The following CORO1C variants were observed in gnomAD, a reference collection of about 807,000 sequenced individuals.
CORO1C encodes the protein coronin-1C.
In CORO1C, 14 loss-of-function variants were observed where a neutral mutation model predicts 51.2. The observed-to-expected ratio is 0.27, with a 90% CI of 0.18 to 0.43. The LOEUF is 0.43. Among genes scored for constraint, CORO1C ranks in the 20% least tolerant of loss-of-function variants. CORO1C has a pLI of 1.00. For missense variants in CORO1C, 417 were observed against 607.8 expected, an observed-to-expected ratio of 0.69 and a Z score of 3.30; for synonymous variants, 181 against 210.5, an observed-to-expected ratio of 0.86 and a Z score of 1.21.
chr12:108,703,030 G>A, intron 1 of CORO1C: 1 of 1,294,714 alleles, frequency 7.7e-7, no homozygotes, highest in Non-Finnish European at 1.0e-6. Flanking sequence ...TACTTCTCAA[G>A]CGTGAGTTAG....
intron 2 of CORO1C, among the ~76,000 whole-genome samples, chr12:108,693,827 T>C (rs570360413): frequency 1.3e-4 from 20 of 152,230 alleles, no homozygotes; most frequent in African/African-American, 4.8e-4. Flanking sequence ...GTTTCATCTT[T>C]AGCTCCTACG....
At chr12:108,665,157 G>A (rs977856672) in intron 3 of CORO1C, among the ~76,000 whole-genome samples, 3 of 152,178 alleles carry the variant, frequency 2.0e-5, no homozygotes, top group African/African-American at 4.8e-5. Flanking sequence ...TAAAATATGA[G>A]GGCAGAAGCA....
intron 1 of CORO1C, chr12:108,703,125 T>C: frequency 1.9e-6 from 1 of 528,310 alleles, no homozygotes; most frequent in Non-Finnish European, 3.2e-6. Context: ...GGTCTTGGGC[T>C]CCACTTCCCC....
rs971791586 is a variant in CORO1C, at chr12:108,658,541, A to C, written c.630+197T>G. On this transcript the variant is annotated intron_variant, in intron 5 of 10. Transcript: ENST00000261401. The surrounding 1 kb of genome is among the most constrained non-coding windows in gnomAD (Gnocchi z 4.9). Reference sequence around the variant, plus strand: ...GGCTACAAAGTGAGAGACTTGAGTAAAAGCTGGAAAATTTACAACTCTGGA... The same window carrying C: ...GGCTACAAAGTGAGAGACTTGAGTACAAGCTGGAAAATTTACAACTCTGGA... Among the ~76,000 whole-genome samples, 2 of 152,216 alleles carry C rather than the reference A, an allele frequency of 1.3e-5. No individual in the cohort carries two copies. The highest frequency in any genetic ancestry group is 2.9e-5 in the Non-Finnish European group (2 of 68,040).
rs538749211 is a variant in CORO1C, at chr12:108,655,838, C to T, written c.751-1428G>A. On this transcript the variant is annotated intron_variant, in intron 6 of 10. Transcript: ENST00000261401. Reference sequence around the variant, plus strand: ...GGTGAGGGGCATCTCTGCCTGGCCGCCCATCGTCTGGGATGTGAGGAGCCC... The same window carrying T: ...GGTGAGGGGCATCTCTGCCTGGCCGTCCATCGTCTGGGATGTGAGGAGCCC... Among the ~76,000 whole-genome samples the T allele has an allele frequency of 4.6e-5, 7 of 152,146 alleles. No homozygotes were observed. The East Asian group carries it at 1.4e-3, about 30-fold the overall frequency.
intron 2 of CORO1C, among the ~76,000 whole-genome samples, chr12:108,693,769 GCCCCTCTACT>G (rs2034575122): frequency 6.6e-6 from 1 of 152,124 alleles, no homozygotes; most frequent in South Asian, 2.1e-4. Flanking sequence ...TAGGGACAGA[GCCCCTCTACT>G]AACTTAACAG....
chr12:108,651,231 G>A (rs1440221744), intron 8 of CORO1C, among the ~76,000 whole-genome samples: 3 of 152,218 alleles, frequency 2.0e-5, no homozygotes, highest in African/African-American at 4.8e-5. Flanking sequence ...AACAGCAAGC[G>A]TTTTAAAAGT....
chr12:108,681,757 T>G (rs1387616360), intron 2 of CORO1C, among the ~76,000 whole-genome samples: 1 of 152,154 alleles, frequency 6.6e-6, no homozygotes, highest in African/African-American at 2.4e-5. Flanking sequence ...AGAATTAAGT[T>G]TAAGGACTCA....
intron 3 of CORO1C, among the ~76,000 whole-genome samples, chr12:108,664,323 T>C (rs2033390812): frequency 6.6e-6 from 1 of 152,214 alleles, no homozygotes; most frequent in Non-Finnish European, 1.5e-5. Flanking sequence ...CTGTTTTCAA[T>C]TGCTTAGTGG....
At position 108,718,371 on chromosome 12, in the gene CORO1C, A is replaced by G. The variant is rs1191685603; in HGVS notation, c.-6+13058T>C. On this transcript the variant is annotated intron_variant, in intron 1 of 10. Coordinates refer to ENST00000261401, the MANE Select transcript of CORO1C (RefSeq NM_014325.4). ...CGACAAGAGTGAGACTCCGTCTCGA[A>G]AAAAAAAAAAAAATACAAAAATTAG... Among the ~76,000 whole-genome samples, 341 of 40,170 alleles carry G rather than the reference A, an allele frequency of 8.5e-3. 2 individuals carry two copies. Among genetic ancestry groups the G allele is most frequent in the African/African-American group, 0.024 (325 of 13,434 alleles). 26.4% of individuals were successfully genotyped at this position (40,170 alleles called of 152,430 possible).
intron 2 of CORO1C, chr12:108,696,393 T>C (rs186033239): frequency 1.0e-4 from 14 of 139,052 alleles, no homozygotes; most frequent in African/African-American, 3.6e-4. Context: ...CTTGTTGTGA[T>C]ATGAAGTGTG....
At chr12:108,686,299 C>T (rs74877702) in intron 2 of CORO1C, among the ~76,000 whole-genome samples, 4,977 of 152,270 alleles carry the variant, frequency 0.033, 112 homozygotes, top group Non-Finnish European at 0.048. Flanking sequence ...CACAGTTTAC[C>T]TGAACCTCTA....
chr12:108,694,198 C>T (rs1197296735), intron 2 of CORO1C, among the ~76,000 whole-genome samples: 1 of 144,920 alleles, frequency 6.9e-6, no homozygotes, highest in Non-Finnish European at 1.5e-5. Flanking sequence ...AGGAGAAGTG[C>T]TTGAACCTGG....
chr12:108,654,428 A>G lies in CORO1C; in HGVS notation c.751-18T>C, dbSNP rs1326670931. The G allele has an allele frequency of 7.3e-7, 1 of 1,371,898 alleles. No individual in the cohort carries two copies. Among genetic ancestry groups the G allele is most frequent in the Admixed American group, 1.7e-5 (1 of 59,330 alleles). The allele number at this position is 1,371,898 out of a possible 1,614,324, so 85.0% of individuals were successfully genotyped here. ...ATATTTTTCTGGGGGGAAGATAATA[A>G]TAATACATATATGTGTATGTATACA... On this transcript the variant is annotated intron_variant, in intron 6 of 10. Coordinates refer to ENST00000261401, the MANE Select transcript of CORO1C (RefSeq NM_014325.4).
chr12:108,668,473 G>A (rs1196131460), intron 3 of CORO1C: 1 of 152,150 alleles, frequency 6.6e-6, no homozygotes, highest in African/African-American at 2.4e-5. Flanking sequence ...TTTAAAAATT[G>A]TCTAGCAGGT....
intron 2 of CORO1C, among the ~76,000 whole-genome samples, chr12:108,694,789 T>TTA (rs2034619943): frequency 2.3e-4 from 1 of 4,324 alleles, no homozygotes. Context: ...TATTTCTACG[T>TTA]AGATTTTTTT....
At chr12:108,687,377 C>T (rs1358420778) in intron 2 of CORO1C, among the ~76,000 whole-genome samples, 5 of 152,124 alleles carry the variant, frequency 3.3e-5, no homozygotes, top group African/African-American at 1.2e-4. Flanking sequence ...GTCCCAGCTA[C>T]TTGGGAGGCT....
At chr12:108,679,057 G>C (rs1489120525) in intron 2 of CORO1C, among the ~76,000 whole-genome samples, 2 of 134,418 alleles carry the variant, frequency 1.5e-5, no homozygotes, top group Non-Finnish European at 3.0e-5. Flanking sequence ...GTTGCAGTGA[G>C]CCGAGATCGT....
chr12:108,660,068 G>A (rs966842775), intron 4 of CORO1C, among the ~76,000 whole-genome samples: 3 of 152,224 alleles, frequency 2.0e-5, no homozygotes, highest in Admixed American at 2.0e-4. Flanking sequence ...GGACATCCTA[G>A]AGGTGGATTC....
Sources: allele counts gnomAD v4.1 joint callset (sites outside exome capture counted in the v4.1 genomes callset), GRCh38; gene constraint gnomAD v4.1.1; non-coding constraint Gnocchi (gnomAD v3.1); transcripts MANE v1.5; gene names NCBI Gene and HGNC (gene_info 2026-07-23, HGNC 2026-07-21).